CDH23: variants seen among roughly 807,000 people sequenced by gnomAD.
CDH23 encodes the protein cadherin related 23, also known as cadherin-23.
CDH23 carries 189 observed loss-of-function variants against 317.1 expected under a neutral mutation model. The observed-to-expected ratio is 0.60, with a 90% CI of 0.53 to 0.67. The LOEUF (loss-of-function observed/expected upper bound fraction) is 0.67, where lower values mean the gene tolerates loss of function less well. CDH23 is among the 30% of genes least tolerant of loss of function. The probability of loss-of-function intolerance (pLI) is 0.00; values close to 1 mark genes in which losing one functional copy is unlikely to be tolerated. For synonymous variants in CDH23, 1,839 were observed against 1,876.8 expected, an observed-to-expected ratio of 0.98 and a Z score of 0.52; for missense variants, 4,401 against 4,592.4, an observed-to-expected ratio of 0.96 and a Z score of 1.20.
intron 6 of CDH23, among the ~76,000 whole-genome samples, chr10:71,529,848 A>G (rs1220347059): frequency 1.3e-5 from 2 of 152,002 alleles, no homozygotes; most frequent in African/African-American, 4.8e-5. Flanking sequence ...TGGAAGGGTT[A>G]AGCTAGGACA....
intron 7 of CDH23, among the ~76,000 whole-genome samples, chr10:71,569,688 CTCTCTGAG>C (rs1327981940): frequency 6.6e-6 from 1 of 152,174 alleles, no homozygotes; most frequent in Non-Finnish European, 1.5e-5. Context: ...GTTACTCAGC[CTCTCTGAG>C]TCTCTGTTAA....
intron 14 of CDH23, among the ~76,000 whole-genome samples, chr10:71,663,050 G>C (rs1863744496): frequency 6.6e-6 from 1 of 152,094 alleles, no homozygotes; most frequent in African/African-American, 2.4e-5. Flanking sequence ...TTGGATTTAT[G>C]GCCTGCCCAG....
intron 38 of CDH23, chr10:71,757,608 G>A (rs969974460): frequency 6.6e-6 from 1 of 152,072 alleles, no homozygotes; most frequent in Non-Finnish European, 1.5e-5. Flanking sequence ...CTGGGAAGGT[G>A]ATCAGGCGCT....
intron 1 of CDH23, among the ~76,000 whole-genome samples, chr10:71,436,149 A>C (rs1442550371): frequency 1.3e-5 from 2 of 152,240 alleles, no homozygotes; most frequent in African/African-American, 4.8e-5. Context: ...GTTGGAGCTG[A>C]GATGGTCCCT....
At chr10:71,788,112 A>G (rs553805409) in intron 44 of CDH23, among the ~76,000 whole-genome samples, 12 of 152,174 alleles carry the variant, frequency 7.9e-5, no homozygotes, top group African/African-American at 2.7e-4. Context: ...CAGTGGCACA[A>G]TCTCGGCTCA....
intron 9 of CDH23, 87 bp downstream of exon 9, chr10:71,578,079 A>C: frequency 7.5e-7 from 1 of 1,340,470 alleles, no homozygotes; most frequent in Non-Finnish European, 1.0e-6. Flanking sequence ...TCTGAGGGCT[A>C]AGGAGAGGTC....
At chr10:71,612,970 T>G (rs1589262402) in intron 9 of CDH23, among the ~76,000 whole-genome samples, 1 of 152,224 alleles carries the variant, frequency 6.6e-6, no homozygotes, top group East Asian at 1.9e-4. Flanking sequence ...TGCCTCAGCC[T>G]CCTGAGTAGC....
At chr10:71,525,836 C>T (rs889482911) in intron 6 of CDH23, among the ~76,000 whole-genome samples, 3 of 152,108 alleles carry the variant, frequency 2.0e-5, no homozygotes, top group Non-Finnish European at 2.9e-5. Flanking sequence ...CTTGCTACAG[C>T]AGAGTGGCAG....
chr10:71,753,479 G>T (rs530607836), intron 38 of CDH23, among the ~76,000 whole-genome samples: 1 of 152,292 alleles, frequency 6.6e-6, no homozygotes, highest in African/African-American at 2.4e-5. Flanking sequence ...GAGGGCTCCT[G>T]GTCCTCTCTG....
At chr10:71,681,734 G>A (rs546455160) in intron 17 of CDH23, among the ~76,000 whole-genome samples, 2 of 152,320 alleles carry the variant, frequency 1.3e-5, no homozygotes, top group East Asian at 1.9e-4. Context: ...GCAGAAGTTC[G>A]AGACCAGCCT....
chr10:71,725,464 G>A lies in CDH23; in HGVS notation c.3523G>A (p.Val1175Met), dbSNP rs763379895. Residue 1175 changes from valine to methionine, a missense_variant, in exon 30 of 70, where the codon GTG becomes ATG. Transcript: ENST00000224721. ...PLDRERNSSH[V>M]LIVEAYNHDL... ...GGACCGGGAGCGGAACTCATCCCACGTGCTGATAGTGGAGGCCTACAACCA... is the reference window on the plus strand; with the variant it reads ...GGACCGGGAGCGGAACTCATCCCACATGCTGATAGTGGAGGCCTACAACCA... 9.9e-6 allele frequency: 16 copies of A among 1,613,880 alleles called. No homozygotes were observed. The highest frequency in any genetic ancestry group is 5.5e-5 in the South Asian group (5 of 91,068).
chr10:71,438,347 C>CAAAAAAAAAAAAAAAAAAAAAAAAA (rs10596696), intron 1 of CDH23, among the ~76,000 whole-genome samples: 10 of 98,362 alleles, frequency 1.0e-4, no homozygotes, highest in East Asian at 3.2e-4. Context: ...CTGTCTCAAA[C>CAAAAAAAAAAAAAAAAAAAAAAAAA]AAAAAAAAAA....
At chr10:71,754,870 T>C (rs1375865069) in intron 38 of CDH23, among the ~76,000 whole-genome samples, 1 of 152,222 alleles carries the variant, frequency 6.6e-6, no homozygotes, top group Non-Finnish European at 1.5e-5. Context: ...CAGTCAGTTA[T>C]GTAACCCCAC....
At chr10:71,558,505 A>T (rs1205511938) in intron 6 of CDH23, among the ~76,000 whole-genome samples, 1 of 151,940 alleles carries the variant, frequency 6.6e-6, no homozygotes, top group African/African-American at 2.4e-5. Context: ...TTTTCCAAAG[A>T]TGTTGTGTCT....
intron 22 of CDH23, among the ~76,000 whole-genome samples, chr10:71,698,274 T>G (rs1865464286): frequency 6.6e-6 from 1 of 152,192 alleles, no homozygotes; most frequent in Admixed American, 6.5e-5. Context: ...TTTATAGCCA[T>G]AAAATGTATA....
rs868704236 is a variant in CDH23 at position 71,806,219 on chromosome 10, C to A, written c.8116C>A (p.Gln2706Lys). 3 of 1,579,080 alleles carry A rather than the reference C, an allele frequency of 1.9e-6. No individual in the cohort carries two copies. The highest frequency in any genetic ancestry group is 8.6e-7 in the Non-Finnish European group (1 of 1,162,642). Residue 2706 changes from glutamine (Q) to lysine (K), a missense_variant, in exon 57 of 70, where the codon CAG (glutamine) becomes AAG (lysine). Coordinates refer to ENST00000224721, the MANE Select transcript of CDH23 (RefSeq NM_022124.6). ...LGQPVPYETMQPLQVALEDID... is the reference protein window; with the variant it reads ...LGQPVPYETMKPLQVALEDID... Reference sequence around the variant, plus strand: ...CCAGCCAGTGCCATACGAGACTATGCAGCCGCTGCAGGTGGCCCTGGAGGA... The same window carrying A: ...CCAGCCAGTGCCATACGAGACTATGAAGCCGCTGCAGGTGGCCCTGGAGGA...
intron 11 of CDH23, among the ~76,000 whole-genome samples, chr10:71,620,793 G>C (rs533026096): frequency 1.3e-5 from 2 of 152,216 alleles, no homozygotes. Flanking sequence ...AGGTCACCTT[G>C]GCCATTTTCC....
chr10:71,414,046 T>TG (rs1404004823), intron 1 of CDH23, among the ~76,000 whole-genome samples: 46 of 136,378 alleles, frequency 3.4e-4, no homozygotes, highest in Admixed American at 3.0e-3. Flanking sequence ...GCTCCTGGGT[T>TG]TTGTGTGTGT....
intron 3 of CDH23, among the ~76,000 whole-genome samples, chr10:71,447,957 C>T (rs1316204038): frequency 6.6e-6 from 1 of 152,214 alleles, no homozygotes; most frequent in East Asian, 1.9e-4. Context: ...CAGCATTTAT[C>T]ATTATTCATG....
Sources: allele counts gnomAD v4.1 joint callset (sites outside exome capture counted in the v4.1 genomes callset), GRCh38; gene constraint gnomAD v4.1.1; transcripts MANE v1.5; gene names NCBI Gene and HGNC (gene_info 2026-07-23, HGNC 2026-07-21).